The following EIF4G3 variants were observed in gnomAD, a reference collection of about 807,000 sequenced individuals.
EIF4G3 encodes eIF-4-gamma 3.
In EIF4G3, 34 loss-of-function variants were observed where a neutral mutation model predicts 186.4. The observed-to-expected ratio is 0.18, with a 90% confidence interval of 0.14 to 0.24. EIF4G3 has a LOEUF of 0.24. Among genes scored for constraint, EIF4G3 ranks in the 10% least tolerant of loss-of-function variants. The pLI is 1.00. For missense variants in EIF4G3, 1,536 were observed against 1,948.5 expected (o/e 0.79, Z 3.99); for synonymous variants, 673 against 679.5 (o/e 0.99, Z 0.15).
chr1:20,849,285 T>A, intron 29 of EIF4G3, 130 bp downstream of exon 29: 2 of 450,546 alleles, frequency 4.4e-6, no homozygotes, highest in Admixed American at 8.6e-5. Flanking sequence ...CAAACTGAAT[T>A]GTGTAGGACT....
chr1:20,921,985 A>C (rs2094519042), intron 14 of EIF4G3, among the ~76,000 whole-genome samples: 1 of 152,242 alleles, frequency 6.6e-6, no homozygotes, highest in Admixed American at 6.5e-5. Context: ...AATTATCACA[A>C]ATTCAACATC....
At chr1:20,906,271 T>C (rs771624396) in intron 14 of EIF4G3, among the ~76,000 whole-genome samples, 2 of 152,162 alleles carry the variant, frequency 1.3e-5, no homozygotes, top group Non-Finnish European at 2.9e-5. Context: ...TGAATACATA[T>C]ATTCAGCAGT....
chr1:21,001,367 T>C (rs2083462385), intron 5 of EIF4G3, 55 bp from the exon 6 acceptor site: 1 of 460,226 alleles, frequency 2.2e-6, no homozygotes, highest in East Asian at 7.0e-5. Flanking sequence ...CTGCGCCAGT[T>C]CTAACCATGT....
intron 3 of EIF4G3, among the ~76,000 whole-genome samples, chr1:21,055,091 A>G (rs960308776): frequency 2.0e-5 from 3 of 152,180 alleles, no homozygotes; most frequent in Non-Finnish European, 4.4e-5. Context: ...AAAGGAGAAA[A>G]GTTGGATTGC....
At chr1:21,071,626 A>G (rs61779072) in intron 3 of EIF4G3, among the ~76,000 whole-genome samples, 8,961 of 152,098 alleles carry the variant, frequency 0.059, 327 homozygotes, top group Non-Finnish European at 0.087. Context: ...GAGGTCAGGC[A>G]TTGAAGACCA....
At chr1:20,914,438 C>T (rs1297211810) in intron 14 of EIF4G3, among the ~76,000 whole-genome samples, 1 of 151,956 alleles carries the variant, frequency 6.6e-6, no homozygotes. Context: ...AGGAAGGGGA[C>T]ACAGCCAAAG....
chr1:20,897,930 CAT>C (rs1028795867), intron 16 of EIF4G3, among the ~76,000 whole-genome samples: 3 of 151,702 alleles, frequency 2.0e-5, no homozygotes, highest in Middle Eastern at 6.8e-3. Flanking sequence ...AATATTAAAA[CAT>C]AAAATAAATT....
intron 7 of EIF4G3, among the ~76,000 whole-genome samples, chr1:20,995,480 G>A (rs556691335): frequency 1.7e-4 from 26 of 151,870 alleles, no homozygotes; most frequent in Admixed American, 3.9e-4. Flanking sequence ...TCAAGTGATC[G>A]CTTGCCTCAG....
chr1:21,114,457 A>C (rs201133054), intron 2 of EIF4G3, among the ~76,000 whole-genome samples: 2 of 152,200 alleles, frequency 1.3e-5, no homozygotes, highest in African/African-American at 4.8e-5. Flanking sequence ...ACCACTGGCA[A>C]CAGTTTTCCT....
At position 20,941,686 on chromosome 1, in the gene EIF4G3, C is replaced by G; in HGVS notation, c.1468G>C (p.Ala490Pro). 6.2e-7 allele frequency: 1 copy of G among 1,613,036 alleles called. No individual in the cohort carries two copies. Among genetic ancestry groups the G allele is most frequent in the Non-Finnish European group, 8.5e-7 (1 of 1,179,596 alleles). ...GGAGAACTAACAGTAGTGGCAGCAG[C>G]AGGAACAATGACTGGAGTGTGAGGA... Reference protein sequence around the residue: ...SPPHTPVIVPAAATTVSSPSA... With the variant: ...SPPHTPVIVPPAATTVSSPSA... The change falls in exon 14 of 37, where the codon GCT becomes CCT. Residue 490 changes from alanine (A) to proline (P), a missense_variant. Physicochemically the swap from Ala to Pro is conservative, Grantham distance 27. Coordinates refer to ENST00000602326, the MANE Select transcript of EIF4G3 (RefSeq NM_001391906.1).
At chr1:20,845,433 A>T (rs1036565942) in intron 29 of EIF4G3, among the ~76,000 whole-genome samples, 3 of 152,054 alleles carry the variant, frequency 2.0e-5, no homozygotes, top group Non-Finnish European at 2.9e-5. Flanking sequence ...GAGGCCAAGG[A>T]GGGCGGATCA....
chr1:21,159,820 C>G (rs914304780), intron 2 of EIF4G3, among the ~76,000 whole-genome samples: 2 of 148,372 alleles, frequency 1.3e-5, no homozygotes, highest in Non-Finnish European at 3.0e-5. Context: ...GAAAAATTAT[C>G]CAGATGCCAG....
At chr1:21,051,971 C>A (rs1478902988) in intron 3 of EIF4G3, among the ~76,000 whole-genome samples, 1 of 152,114 alleles carries the variant, frequency 6.6e-6, no homozygotes, top group Non-Finnish European at 1.5e-5. Flanking sequence ...ATATAATACA[C>A]ACACATACAT....
At chr1:20,882,198 C>T (rs2082567447) in intron 19 of EIF4G3, among the ~76,000 whole-genome samples, 1 of 151,688 alleles carries the variant, frequency 6.6e-6, no homozygotes, top group Non-Finnish European at 1.5e-5. Context: ...CACACACACA[C>T]ACACACACAC....
At chr1:20,977,191 A>ATT (rs932764761) in intron 10 of EIF4G3, among the ~76,000 whole-genome samples, 1 of 145,626 alleles carries the variant, frequency 6.9e-6, no homozygotes, top group Non-Finnish European at 1.5e-5. Flanking sequence ...TATTATTGAA[A>ATT]TTTTTTTTTT....
Position 21,172,544 on chromosome 1 carries a change from C to CTATT in EIF4G3, c.-272+3627_-272+3630dup, listed in dbSNP as rs551971870. Among the ~76,000 whole-genome samples the CTATT allele has an allele frequency of 1.3e-3, 195 of 152,042 alleles. 1 individual carries two copies. The highest frequency in any genetic ancestry group is 8.2e-3 in the East Asian group (42 of 5,138). ...ATATAAATGGCAAAATGTGGCAATC[C>CTATT]TATTTATTTATTTATTTATTTATTG... On this transcript the variant is annotated intron_variant, in intron 2 of 36. Transcript: ENST00000602326.
intron 32 of EIF4G3, 135 bp from the exon 33 acceptor site, chr1:20,825,333 G>A (rs909893890): frequency 1.5e-6 from 1 of 654,320 alleles, no homozygotes; most frequent in Non-Finnish European, 2.5e-6. Context: ...GTTTCCAGCA[G>A]GGCATGGTGG....
intron 4 of EIF4G3, among the ~76,000 whole-genome samples, chr1:21,019,178 A>G (rs1038391505): frequency 6.6e-6 from 1 of 152,210 alleles, no homozygotes; most frequent in Non-Finnish European, 1.5e-5. Context: ...ACGAGTCACC[A>G]CATCCAGATA....
chr1:20,993,795 ACCCAAAATAT>A (rs2081634019), intron 7 of EIF4G3, among the ~76,000 whole-genome samples: 1 of 152,170 alleles, frequency 6.6e-6, no homozygotes, highest in South Asian at 2.1e-4. Context: ...AGTATGTAAA[ACCCAAAATAT>A]CCCAGGACAT....
Sources: gnomAD v4.1 joint callset for allele counts (sites outside exome capture counted in the v4.1 genomes callset) on GRCh38, gnomAD v4.1.1 for gene constraint, MANE v1.5 for transcripts, NCBI Gene and HGNC (gene_info 2026-07-23, HGNC 2026-07-21) for gene names.